EYS: variants seen among roughly 807,000 people sequenced by gnomAD.
EYS encodes the protein EGF-like photoreceptor maintenance factor.
Under a neutral mutation model 282.1 loss-of-function variants are expected in EYS, and 250 were observed. The ratio of observed to expected loss-of-function variants is 0.89; its 90% CI spans 0.80 to 0.98. The LOEUF (loss-of-function observed/expected upper bound fraction) is 0.98. EYS is among the 50% of genes least tolerant of loss of function. The pLI, the probability that EYS is intolerant of heterozygous loss-of-function variation, is 0.00. For missense variants in EYS, 4,016 were observed against 3,709.0 expected (o/e 1.08, Z -2.15); for synonymous variants, 1,355 against 1,282.9 (o/e 1.06, Z -1.20).
chr6:65,268,226 T>A (rs1379261565), intron 12 of EYS, among the ~76,000 whole-genome samples: 1 of 152,040 alleles, frequency 6.6e-6, no homozygotes, highest in East Asian at 1.9e-4. Context: ...TACAAATCTA[T>A]CATTAAAATT....
intron 12 of EYS, among the ~76,000 whole-genome samples, chr6:65,075,017 T>G (rs867522463): frequency 2.0e-5 from 3 of 152,206 alleles, no homozygotes; most frequent in Middle Eastern, 6.8e-3. Context: ...TCATTGTGTA[T>G]AATACTGAAA....
chr6:65,450,698 T>C (rs1310947234), intron 5 of EYS, among the ~76,000 whole-genome samples: 1 of 152,132 alleles, frequency 6.6e-6, no homozygotes, highest in Non-Finnish European at 1.5e-5. Context: ...AGGCAATCCC[T>C]TAAGGGGCTG....
chr6:64,306,902 T>A, intron 30 of EYS, 68 bp downstream of exon 30: 1 of 782,300 alleles, frequency 1.3e-6, no homozygotes, highest in Non-Finnish European at 2.1e-6. Context: ...ATTATTTCAA[T>A]TGGAAATGAT....
intron 18 of EYS, among the ~76,000 whole-genome samples, chr6:64,901,658 T>C (rs1171273336): frequency 2.0e-5 from 3 of 152,066 alleles, no homozygotes; most frequent in African/African-American, 7.2e-5. Flanking sequence ...AAAACTTTAA[T>C]ATCATTGTAG....
chr6:65,017,047 T>A (rs1379291706), intron 13 of EYS, among the ~76,000 whole-genome samples: 1 of 152,144 alleles, frequency 6.6e-6, no homozygotes, highest in Non-Finnish European at 1.5e-5. Flanking sequence ...GTGATGAATT[T>A]TATGGGGAGA....
intron 19 of EYS, among the ~76,000 whole-genome samples, chr6:64,845,599 T>C (rs1447615987): frequency 6.6e-6 from 1 of 152,014 alleles, no homozygotes; most frequent in Non-Finnish European, 1.5e-5. Flanking sequence ...TGCTCCCAAC[T>C]TCGGGAATTT....
At chr6:64,777,889 A>C (rs1259152827) in intron 22 of EYS, among the ~76,000 whole-genome samples, 1 of 152,166 alleles carries the variant, frequency 6.6e-6, no homozygotes, top group East Asian at 1.9e-4. Context: ...CAATTCCAGT[A>C]GATAATATTA....
chr6:63,820,063 CT>C (rs1277112683), intron 36 of EYS, among the ~76,000 whole-genome samples: 1 of 152,192 alleles, frequency 6.6e-6, no homozygotes, highest in African/African-American at 2.4e-5. Flanking sequence ...TTTCCACATA[CT>C]GTCAGATTGC....
At chr6:63,971,075 A>G (rs916070392) in intron 35 of EYS, among the ~76,000 whole-genome samples, 31 of 152,318 alleles carry the variant, frequency 2.0e-4, no homozygotes, top group African/African-American at 5.8e-4. Flanking sequence ...TGTTCAAAAC[A>G]AGTTATTCTC....
chr6:64,593,184 G>A lies in EYS; in HGVS notation c.3810C>T (p.Val1270=). 6.5e-7 allele frequency: 1 copy of A among 1,549,768 alleles called. No individual in the cohort carries two copies. The highest frequency in any genetic ancestry group is 2.5e-5 in the East Asian group (1 of 40,766). The change falls in exon 25 of 43, where the codon GTC becomes GTT. Residue 1270 remains valine, a synonymous_variant. Coordinates refer to ENST00000503581, the MANE Select transcript of EYS (RefSeq NM_001142800.2). ...TAGCCTTTATAGATGGAAAGCTGCT[G>A]ACCAAAGTCTCAGAAGGGGGAATTG... ...TYTIPPSETL[V]SSFPSIKATR...
intron 1 of EYS, among the ~76,000 whole-genome samples, chr6:65,677,401 A>G (rs1721354885): frequency 6.6e-6 from 1 of 152,002 alleles, no homozygotes; most frequent in African/African-American, 2.4e-5. Flanking sequence ...ATATAGAATC[A>G]GTTGTGTTTC....
intron 5 of EYS, among the ~76,000 whole-genome samples, chr6:65,483,290 T>C (rs1765669951): frequency 6.6e-6 from 1 of 152,034 alleles, no homozygotes; most frequent in Non-Finnish European, 1.5e-5. Flanking sequence ...GAAATATGAT[T>C]GGCATGCTCT....
intron 1 of EYS, among the ~76,000 whole-genome samples, chr6:65,690,974 G>A (rs1769221082): frequency 6.6e-6 from 1 of 150,380 alleles, no homozygotes; most frequent in Non-Finnish European, 1.5e-5. Context: ...TTTAAATCCA[G>A]TCTATCATTG....
At chr6:64,296,270 C>T (rs1208975274) in intron 30 of EYS, among the ~76,000 whole-genome samples, 4 of 151,960 alleles carry the variant, frequency 2.6e-5, no homozygotes, top group Admixed American at 6.6e-5. Flanking sequence ...AATTACAGGA[C>T]AGATTGAATG....
intron 12 of EYS, among the ~76,000 whole-genome samples, chr6:65,269,021 A>G (rs1767830777): frequency 6.6e-6 from 1 of 152,158 alleles, no homozygotes; most frequent in South Asian, 2.1e-4. Context: ...GGCAAATATT[A>G]TCTCCAATCT....
intron 22 of EYS, among the ~76,000 whole-genome samples, chr6:64,634,928 C>T (rs929150004): frequency 2.0e-5 from 3 of 152,104 alleles, no homozygotes; most frequent in Admixed American, 6.6e-5. Context: ...TGGCCATTTT[C>T]ACGATATTGG....
chr6:65,519,686 C>CTATATATAT (rs1554205820), intron 2 of EYS, among the ~76,000 whole-genome samples: 3 of 39,734 alleles, frequency 7.6e-5, no homozygotes, highest in Non-Finnish European at 1.2e-4. Flanking sequence ...ACTATAATAA[C>CTATATATAT]TATATATATA....
At chr6:65,562,148 A>G (rs1769088114) in intron 2 of EYS, among the ~76,000 whole-genome samples, 1 of 152,004 alleles carries the variant, frequency 6.6e-6, no homozygotes, top group South Asian at 2.1e-4. Flanking sequence ...TCTGACTACT[A>G]TATTTCCTCT....
intron 33 of EYS, among the ~76,000 whole-genome samples, chr6:64,054,686 A>C (rs375810401): frequency 1.7e-4 from 26 of 152,250 alleles, no homozygotes; most frequent in East Asian, 5.8e-4. Context: ...ACCCTGTTTC[A>C]ATTAGTTATA....
Sources: gnomAD v4.1 joint callset for allele counts (sites outside exome capture counted in the v4.1 genomes callset) on GRCh38, gnomAD v4.1.1 for gene constraint, MANE v1.5 for transcripts, NCBI Gene and HGNC (gene_info 2026-07-23, HGNC 2026-07-21) for gene names.